Variants in IFT122 observed in about 807,000 individuals in gnomAD.
IFT122 encodes intraflagellar transport protein 122 homolog.
IFT122 carries 118 observed loss-of-function variants against 161.6 expected under a neutral mutation model. The ratio of observed to expected loss-of-function variants is 0.73; its 90% confidence interval spans 0.63 to 0.85. The LOEUF is 0.85. IFT122 is among the 40% of genes least tolerant of loss of function. The pLI, the probability that IFT122 is intolerant of heterozygous loss-of-function variation, is 0.00. For missense variants in IFT122, 1,381 were observed against 1,579.6 expected (o/e 0.87, Z 2.13); for synonymous variants, 550 against 602.4 (o/e 0.91, Z 1.27).
intron 4 of IFT122, chr3:129,460,738 G>A: frequency 2.4e-6 from 2 of 819,418 alleles, no homozygotes; most frequent in South Asian, 2.7e-5. Flanking sequence ...ATGAATGAGT[G>A]AAGTTGTAAG....
intron 18 of IFT122, 74 bp from the exon 19 acceptor site, chr3:129,499,828 G>A: frequency 6.3e-7 from 1 of 1,585,632 alleles, no homozygotes; most frequent in East Asian, 2.2e-5. Context: ...CGCCCTTGCT[G>A]CTAGAAAAGC....
At chr3:129,474,879 G>A (rs547319310) in intron 9 of IFT122, among the ~76,000 whole-genome samples, 18 of 152,318 alleles carry the variant, frequency 1.2e-4, no homozygotes, top group African/African-American at 3.1e-4. Context: ...ACAGGGCTGG[G>A]CATGGTGGTT....
rs2084582421 is a variant in IFT122 at position 129,520,157 on chromosome 3, T to TA, written c.3637-18dup. 2 of 1,605,076 alleles carry TA rather than the reference T, an allele frequency of 1.2e-6. No homozygotes were observed. The highest frequency in any genetic ancestry group is 2.2e-5 in the South Asian group (2 of 90,266). ...GAGCACTAGGGCTTCAGCCTGGTCT[T>TA]ACAGCTGTCTTCCCTTAGATGTTCC... is the stretch of plus-strand genomic sequence containing the variant. On this transcript the variant is annotated intron_variant, in intron 29 of 29. Coordinates refer to ENST00000348417, the MANE Select transcript of IFT122 (RefSeq NM_052989.3).
intron 1 of IFT122, among the ~76,000 whole-genome samples, chr3:129,448,306 C>T (rs905484063): frequency 1.3e-5 from 2 of 152,090 alleles, no homozygotes; most frequent in Non-Finnish European, 1.5e-5. Flanking sequence ...ACAGCGTTCT[C>T]GAAAAAATGA....
At chr3:129,478,511 G>T (rs971856548) in intron 12 of IFT122, among the ~76,000 whole-genome samples, 3 of 152,214 alleles carry the variant, frequency 2.0e-5, no homozygotes, top group African/African-American at 7.2e-5. Flanking sequence ...CTGGAATGCA[G>T]TGGCACAATT....
At chr3:129,476,533 G>T (rs1446794468) in intron 10 of IFT122, 27 bp downstream of exon 10, 2 of 1,613,990 alleles carry the variant, frequency 1.2e-6, no homozygotes, top group South Asian at 2.2e-5. Flanking sequence ...TGTTCTGTGG[G>T]GCCATGGCTT....
At position 129,506,416 on chromosome 3, in the gene IFT122, CA is replaced by C; in HGVS notation, c.2660del (p.Lys887ArgfsTer42). The C allele has an allele frequency of 6.2e-7, 1 of 1,614,034 alleles. No individual in the cohort carries two copies. Among genetic ancestry groups the C allele is most frequent in the Non-Finnish European group, 8.5e-7 (1 of 1,180,032 alleles). ...RFEEAQKAFH[K>X]AGRQREAVQV... ...CCTCCACCACTCCTACAGCGTTCCA[CA>C]AGGCTGGGCGACAGAGAGAAGCGGT... On this transcript the variant is annotated frameshift_variant, in exon 22 of 30. Coordinates refer to ENST00000348417, the MANE Select transcript of IFT122 (RefSeq NM_052989.3). LOFTEE classifies it high-confidence loss of function.
chr3:129,517,671 C>A, intron 27 of IFT122, 77 bp downstream of exon 27: 1 of 1,567,710 alleles, frequency 6.4e-7, no homozygotes, highest in Non-Finnish European at 8.7e-7. Context: ...TAGGAGGGCC[C>A]AGTCCCAGGG....
chr3:129,514,570 C>T lies in IFT122; in HGVS notation c.3153+16C>T, dbSNP rs748840145. 149 of 1,613,992 alleles carry T rather than the reference C, an allele frequency of 9.2e-5. No homozygotes were observed. The highest frequency in any genetic ancestry group is 6.9e-5 in the Non-Finnish European group (81 of 1,180,026). Reference sequence around the variant, plus strand: ...CGACAGTGAGGTGAGGATGCAGCACCCTTGGGCAGGTGGCTTCTCCTCTCC... The same window carrying T: ...CGACAGTGAGGTGAGGATGCAGCACTCTTGGGCAGGTGGCTTCTCCTCTCC... On this transcript the variant is annotated intron_variant, in intron 25 of 29. Coordinates refer to ENST00000348417, the MANE Select transcript of IFT122 (RefSeq NM_052989.3).
chr3:129,520,085 C>T (rs2084566701), intron 29 of IFT122, 91 bp from the exon 30 acceptor site: 1 of 1,062,600 alleles, frequency 9.4e-7, no homozygotes, highest in Non-Finnish European at 1.4e-6. Flanking sequence ...TGCCAAGCCC[C>T]CTCCCCTTGA....
At chr3:129,516,694 G>A (rs1578202310) in intron 26 of IFT122, among the ~76,000 whole-genome samples, 3 of 50,182 alleles carry the variant, frequency 6.0e-5, no homozygotes, top group Admixed American at 2.6e-4. Context: ...GATTGCTCCT[G>A]CACACACACA....
rs1340964573 is a variant in IFT122, at chr3:129,440,335, G to A, written c.5G>A (p.Arg2Lys). MRAVLTWRDKAE... is the reference protein window; with the variant it reads MKAVLTWRDKAE... Reference sequence around the variant, plus strand: ...CGAGCCGTAAGGGAAGCCGTGATGAGGGCCGTGTTGACGTGGAGAGATAAA... The same window carrying A: ...CGAGCCGTAAGGGAAGCCGTGATGAAGGCCGTGTTGACGTGGAGAGATAAA... Residue 2 changes from arginine (R) to lysine (K), a missense_variant, in exon 1 of 30, where the codon AGG (arginine) becomes AAG (lysine). Arg to Lys is a conservative substitution (Grantham distance 26, BLOSUM62 2). Coordinates refer to ENST00000348417, the MANE Select transcript of IFT122 (RefSeq NM_052989.3). 6.4e-7 allele frequency: 1 copy of A among 1,550,964 alleles called. No homozygotes were observed. The highest frequency in any genetic ancestry group is 2.4e-5 in the East Asian group (1 of 40,920).
At chr3:129,468,849 C>T (rs1443343679) in intron 8 of IFT122, among the ~76,000 whole-genome samples, 1 of 152,212 alleles carries the variant, frequency 6.6e-6, no homozygotes, top group Admixed American at 6.5e-5. Context: ...TGTGCAAGGA[C>T]CCCCGCCTGC....
At chr3:129,456,298 C>A in intron 3 of IFT122, 1 of 1,228,690 alleles carries the variant, frequency 8.1e-7, no homozygotes, top group South Asian at 1.4e-5. Context: ...TTAGTATTTG[C>A]AGCAATATCA....
chr3:129,511,754 G>A (rs777568782), intron 23 of IFT122, among the ~76,000 whole-genome samples: 2 of 152,230 alleles, frequency 1.3e-5, no homozygotes, highest in African/African-American at 2.4e-5. Flanking sequence ...AACTCCGCAT[G>A]TGTGCTCGTT....
rs944802346 is a variant in IFT122 at position 129,520,416 on chromosome 3, T to A, written c.*151T>A. The A allele has an allele frequency of 1.0e-5, 7 of 697,060 alleles. No homozygotes were observed. Among genetic ancestry groups the A allele is most frequent in the Admixed American group, 2.0e-5 (1 of 49,570 alleles). The allele number at this position is 697,060 out of a possible 1,614,324, so 43.2% of individuals were successfully genotyped here. On this transcript the variant is annotated 3_prime_UTR_variant, in exon 30 of 30. Transcript: ENST00000348417. Reference sequence around the variant, plus strand: ...GGGCCTTGTGTAACCACGGAATTCCTATTTATGGCATTTCATGCCTTGTAA... The same window carrying A: ...GGGCCTTGTGTAACCACGGAATTCCAATTTATGGCATTTCATGCCTTGTAA...
chr3:129,508,093 G>A lies in IFT122; in HGVS notation c.2886+331G>A, dbSNP rs567557062. On this transcript the variant is annotated intron_variant, in intron 23 of 29. Transcript: ENST00000348417. Reference sequence around the variant, plus strand: ...ATGAGGCCCTCTCCTTCAGTAGGGCGAAGGCCCAGATTAACCAAAGGCTCG... The same window carrying A: ...ATGAGGCCCTCTCCTTCAGTAGGGCAAAGGCCCAGATTAACCAAAGGCTCG... Among the ~76,000 whole-genome samples, 7 of 152,296 alleles carry A rather than the reference G, an allele frequency of 4.6e-5. No individual in the cohort carries two copies. The South Asian group carries it at 1.2e-3, about 27-fold the overall frequency.
At chr3:129,514,596 CT>C (rs1246339164) in intron 25 of IFT122, 42 bp downstream of exon 25, 1 of 1,608,840 alleles carries the variant, frequency 6.2e-7, no homozygotes, top group African/African-American at 1.3e-5. Flanking sequence ...TCTCCTCTCC[CT>C]TGAGGCCATC....
chr3:129,491,208 T>C (rs1362463311), intron 16 of IFT122, among the ~76,000 whole-genome samples: 1 of 152,164 alleles, frequency 6.6e-6, no homozygotes, highest in Admixed American at 6.5e-5. Context: ...CCCGAGGTCT[T>C]TTCAGGAGGG....
Sources: allele counts gnomAD v4.1 joint callset (sites outside exome capture counted in the v4.1 genomes callset), GRCh38; gene constraint gnomAD v4.1.1; transcripts MANE v1.5; gene names NCBI Gene and HGNC (gene_info 2026-07-23, HGNC 2026-07-21).